The following NFIA variants were observed in gnomAD, a reference collection of about 807,000 sequenced individuals.
The protein encoded by NFIA is nuclear factor 1 A-type.
A neutral mutation model predicts 62.8 loss-of-function variants in NFIA; 8 were observed. The ratio of observed to expected loss-of-function variants is 0.13; its 90% confidence interval spans 0.07 to 0.23. NFIA has a LOEUF of 0.23. Among genes scored for constraint, NFIA ranks in the 10% least tolerant of loss-of-function variants. NFIA has a pLI of 1.00. For missense variants in NFIA, 410 were observed against 642.1 expected, an observed-to-expected ratio of 0.64 and a Z score of 3.91; for synonymous variants, 235 against 238.1, an observed-to-expected ratio of 0.99 and a Z score of 0.12.
intron 2 of NFIA, chr1:61,251,492 T>G (rs1430935408): frequency 6.6e-6 from 1 of 152,228 alleles, no homozygotes; most frequent in Non-Finnish European, 1.5e-5. Flanking sequence ...ACCATCATTA[T>G]TGTCATATAT....
At chr1:61,354,049 G>A (rs951858059) in intron 5 of NFIA, among the ~76,000 whole-genome samples, 4 of 152,138 alleles carry the variant, frequency 2.6e-5, no homozygotes, top group Non-Finnish European at 4.4e-5. Context: ...TGTGCTGTAT[G>A]TGTACCATGT....
chr1:61,126,056 C>T (rs751396949), intron 2 of NFIA, among the ~76,000 whole-genome samples: 3 of 152,230 alleles, frequency 2.0e-5, no homozygotes, highest in Non-Finnish European at 2.9e-5. Context: ...GTTTTATAAC[C>T]CTCAAGTTTA....
chr1:61,109,336 G>A (rs1392339798), intron 2 of NFIA, among the ~76,000 whole-genome samples: 1 of 151,780 alleles, frequency 6.6e-6, no homozygotes, highest in East Asian at 1.9e-4. Flanking sequence ...GATGGCAAAT[G>A]GTAGGTCCCA....
chr1:61,185,916 TTTTA>T (rs943239576), intron 2 of NFIA, among the ~76,000 whole-genome samples: 19 of 152,310 alleles, frequency 1.2e-4, no homozygotes, highest in South Asian at 4.1e-4. Flanking sequence ...TGATTACTCA[TTTTA>T]TTTATTTATC....
intron 6 of NFIA, among the ~76,000 whole-genome samples, chr1:61,362,402 A>G (rs566580667): frequency 1.1e-3 from 162 of 152,314 alleles, no homozygotes; most frequent in African/African-American, 3.8e-3. Flanking sequence ...CTCAGATGTG[A>G]CACAGGAAGC....
At chr1:61,401,135 G>A (rs1350361769) in intron 7 of NFIA, among the ~76,000 whole-genome samples, 3 of 152,196 alleles carry the variant, frequency 2.0e-5, no homozygotes, top group Admixed American at 6.5e-5. Context: ...ACTGATGACT[G>A]AACCAGAAAG....
intron 2 of NFIA, among the ~76,000 whole-genome samples, chr1:61,249,572 G>A (rs369558576): frequency 2.0e-5 from 3 of 152,092 alleles, no homozygotes; most frequent in East Asian, 1.9e-4. Flanking sequence ...AGGCCGAGGC[G>A]GGTAGATCAC....
intron 2 of NFIA, among the ~76,000 whole-genome samples, chr1:61,127,953 A>G (rs1311588043): frequency 6.6e-6 from 1 of 152,120 alleles, no homozygotes; most frequent in Non-Finnish European, 1.5e-5. Context: ...TATTTTCCCC[A>G]GTAGACCGGG....
intron 3 of NFIA, among the ~76,000 whole-genome samples, chr1:61,297,966 G>C (rs1351612842): frequency 6.6e-6 from 1 of 152,144 alleles, no homozygotes; most frequent in Non-Finnish European, 1.5e-5. Flanking sequence ...CAAGTAGTGT[G>C]GTATGGCCTT....
chr1:61,083,525 G>T (rs1404365083), intron 1 of NFIA, among the ~76,000 whole-genome samples: 1 of 152,000 alleles, frequency 6.6e-6, no homozygotes, highest in African/African-American at 2.4e-5. Flanking sequence ...CCTCGGCTGA[G>T]CGGGGCTACG....
intron 9 of NFIA, among the ~76,000 whole-genome samples, chr1:61,419,571 CATT>C (rs1458392293): frequency 1.3e-5 from 2 of 152,160 alleles, no homozygotes; most frequent in Non-Finnish European, 2.9e-5. Context: ...TCTGTGTGCA[CATT>C]ATAACATGAA....
At chr1:61,092,874 G>A (rs1646344333) in intron 2 of NFIA, among the ~76,000 whole-genome samples, 1 of 151,796 alleles carries the variant, frequency 6.6e-6, no homozygotes, top group South Asian at 2.1e-4. Flanking sequence ...CTGTGTAGGG[G>A]CGTGTGTGTG....
At chr1:61,233,790 T>G (rs1471050023) in intron 2 of NFIA, among the ~76,000 whole-genome samples, 1 of 152,190 alleles carries the variant, frequency 6.6e-6, no homozygotes, top group Non-Finnish European at 1.5e-5. Context: ...TAATTACACT[T>G]TCCCTTCTGT....
intron 3 of NFIA, among the ~76,000 whole-genome samples, chr1:61,280,856 C>T (rs776321952): frequency 1.1e-4 from 17 of 152,166 alleles, no homozygotes; most frequent in Non-Finnish European, 1.8e-4. Flanking sequence ...AACTCTGCCT[C>T]TGGAGTCAAA....
chr1:61,315,124 T>C (rs562042129), intron 3 of NFIA, among the ~76,000 whole-genome samples: 1 of 152,346 alleles, frequency 6.6e-6, no homozygotes, highest in South Asian at 2.1e-4. Flanking sequence ...GCTTACTGAC[T>C]CTTTTTCTAA....
At chr1:61,339,632 G>A (rs532110414) in intron 4 of NFIA, among the ~76,000 whole-genome samples, 9 of 152,224 alleles carry the variant, frequency 5.9e-5, no homozygotes, top group African/African-American at 2.2e-4. Context: ...AGGATGTTTT[G>A]TTGTATGATT....
intron 2 of NFIA, among the ~76,000 whole-genome samples, chr1:61,273,207 G>T (rs1222710566): frequency 6.6e-6 from 1 of 152,130 alleles, no homozygotes; most frequent in African/African-American, 2.4e-5. Flanking sequence ...AGAATATGGT[G>T]GGTTTCTCTA....
At chr1:61,235,606 A>G (rs1288702123) in intron 2 of NFIA, among the ~76,000 whole-genome samples, 1 of 151,476 alleles carries the variant, frequency 6.6e-6, no homozygotes, top group African/African-American at 2.4e-5. Context: ...ACTTGAGCCC[A>G]GGAGTTTGAG....
chr1:61,194,976 C>T (rs1329331168), intron 2 of NFIA, among the ~76,000 whole-genome samples: 2 of 152,100 alleles, frequency 1.3e-5, no homozygotes, highest in Non-Finnish European at 2.9e-5. Flanking sequence ...TATCAATTTC[C>T]CCTTTTGAAA....
Sources: gnomAD v4.1 joint callset for allele counts (sites outside exome capture counted in the v4.1 genomes callset) on GRCh38, gnomAD v4.1.1 for gene constraint, MANE v1.5 for transcripts, NCBI Gene and HGNC (gene_info 2026-07-23, HGNC 2026-07-21) for gene names.